The following HS6ST3 variants were observed in gnomAD, a reference collection of about 807,000 sequenced individuals.
The protein encoded by HS6ST3 is heparan-sulfate 6-O-sulfotransferase 3.
HS6ST3 carries 12 observed loss-of-function variants against 36.7 expected under a neutral mutation model. That is an observed-to-expected ratio of 0.33 (90% CI 0.21 to 0.53). The LOEUF (loss-of-function observed/expected upper bound fraction) is 0.53, where lower values mean the gene tolerates loss of function less well. Ranked by LOEUF, HS6ST3 falls within the 20% of genes least tolerant of loss-of-function variation. The pLI is 0.95. For missense variants in HS6ST3, 584 were observed against 640.9 expected (o/e 0.91, Z 0.96); for synonymous variants, 240 against 257.5 (o/e 0.93, Z 0.65).
Position 96,090,553 on chromosome 13 carries a change from G to A in HS6ST3, c.-310G>A, listed in dbSNP as rs1476837599. Among the ~76,000 whole-genome samples the A allele has an allele frequency of 6.8e-6, 1 of 146,288 alleles. No homozygotes were observed. Among genetic ancestry groups the A allele is most frequent in the East Asian group, 2.0e-4 (1 of 5,052 alleles). On this transcript the variant is annotated 5_prime_UTR_variant, in exon 1 of 2. An upstream open reading frame in the 5' UTR loses its in-frame stop. Transcript: ENST00000376705. ...GCCGGCGGGATGCCGCGCGTCGCCT[G>A]AGAGAGCCGCGCCGGGGCGGGAGCA...
intron 1 of HS6ST3, among the ~76,000 whole-genome samples, chr13:96,223,265 T>C (rs2054464471): frequency 6.6e-6 from 1 of 152,222 alleles, no homozygotes; most frequent in African/African-American, 2.4e-5. Flanking sequence ...GAGGCATCTT[T>C]ATTCTGCAAT....
intron 1 of HS6ST3, among the ~76,000 whole-genome samples, chr13:96,450,165 A>G (rs2139485156): frequency 6.6e-6 from 1 of 152,328 alleles, no homozygotes; most frequent in East Asian, 1.9e-4. Context: ...ATTTGGAAAC[A>G]TGCTCTCCAA....
At chr13:96,273,017 C>G (rs2139389343) in intron 1 of HS6ST3, among the ~76,000 whole-genome samples, 4 of 151,960 alleles carry the variant, frequency 2.6e-5, no homozygotes, top group Middle Eastern at 6.8e-3. Flanking sequence ...TTTCAAACAG[C>G]TAAATTTAGA....
chr13:96,349,036 C>G (rs1237257556), intron 1 of HS6ST3, among the ~76,000 whole-genome samples: 2 of 152,142 alleles, frequency 1.3e-5, no homozygotes, highest in African/African-American at 4.8e-5. Flanking sequence ...CTGTTTTTGT[C>G]TAACTAGTGA....
At chr13:96,322,613 T>C (rs1375213153) in intron 1 of HS6ST3, among the ~76,000 whole-genome samples, 7 of 144,662 alleles carry the variant, frequency 4.8e-5, no homozygotes, top group Non-Finnish European at 1.0e-4. Context: ...TAAAATGCAA[T>C]TTTTTTCTCC....
At chr13:96,579,093 C>A (rs185930187) in intron 1 of HS6ST3, among the ~76,000 whole-genome samples, 1 of 152,196 alleles carries the variant, frequency 6.6e-6, no homozygotes, top group Admixed American at 6.5e-5. Flanking sequence ...GAGGTCCTTT[C>A]AACATGAAAG....
At chr13:96,254,434 AAAAAAAAAAAAAAAATATATATAT>A (rs2054623257) in intron 1 of HS6ST3, among the ~76,000 whole-genome samples, 1 of 57,156 alleles carries the variant, frequency 1.7e-5, no homozygotes, top group Non-Finnish European at 3.2e-5. Context: ...AAAAAAAAAA[AAAAAAAAAAAAAAAATATATATAT>A]ATATATATAT....
intron 1 of HS6ST3, among the ~76,000 whole-genome samples, chr13:96,132,319 T>TGAG (rs1239113833): frequency 6.6e-6 from 1 of 152,208 alleles, no homozygotes. Flanking sequence ...ATAGCCCCAG[T>TGAG]AATGGGATTG....
At chr13:96,569,474 G>A (rs74107930) in intron 1 of HS6ST3, among the ~76,000 whole-genome samples, 1,898 of 152,182 alleles carry the variant, frequency 0.012, 43 homozygotes, top group African/African-American at 0.043. Context: ...CTCAGCCCAT[G>A]CATTCTGTCC....
At chr13:96,220,444 G>A (rs1360343356) in intron 1 of HS6ST3, among the ~76,000 whole-genome samples, 1 of 152,112 alleles carries the variant, frequency 6.6e-6, no homozygotes, top group Non-Finnish European at 1.5e-5. Context: ...TTATCTCACA[G>A]TCATCCGAAG....
intron 1 of HS6ST3, among the ~76,000 whole-genome samples, chr13:96,265,498 C>G (rs2054687674): frequency 6.6e-6 from 1 of 152,122 alleles, no homozygotes; most frequent in Non-Finnish European, 1.5e-5. Context: ...ACTGTTGACT[C>G]TGATTCATTT....
chr13:96,347,809 C>T (rs971967090), intron 1 of HS6ST3, among the ~76,000 whole-genome samples: 20 of 152,194 alleles, frequency 1.3e-4, no homozygotes, highest in African/African-American at 4.6e-4. Context: ...ACTTATCTGA[C>T]TTCCCCTCTT....
chr13:96,545,174 C>G (rs1456715029), intron 1 of HS6ST3, among the ~76,000 whole-genome samples: 1 of 152,102 alleles, frequency 6.6e-6, no homozygotes, highest in Non-Finnish European at 1.5e-5. Context: ...GACTAAAATT[C>G]ATTTATCTTT....
intron 1 of HS6ST3, among the ~76,000 whole-genome samples, chr13:96,634,115 G>T (rs967524794): frequency 2.0e-5 from 3 of 152,158 alleles, no homozygotes; most frequent in African/African-American, 4.8e-5. Context: ...AGCCATGCTG[G>T]CTCCCTGAGC....
At chr13:96,284,449 C>T (rs2054790616) in intron 1 of HS6ST3, among the ~76,000 whole-genome samples, 1 of 152,176 alleles carries the variant, frequency 6.6e-6, no homozygotes, top group Non-Finnish European at 1.5e-5. Context: ...GGGCAGGAAG[C>T]ATCCAGCATG....
At chr13:96,217,409 C>T (rs1424566429) in intron 1 of HS6ST3, among the ~76,000 whole-genome samples, 1 of 152,182 alleles carries the variant, frequency 6.6e-6, no homozygotes, top group African/African-American at 2.4e-5. Flanking sequence ...TCTGGTTCCC[C>T]TCCTTCAGAA....
chr13:96,595,515 T>C (rs1566406813), intron 1 of HS6ST3, among the ~76,000 whole-genome samples: 1 of 152,070 alleles, frequency 6.6e-6, no homozygotes, highest in East Asian at 1.9e-4. Context: ...GAATATGTCT[T>C]AGGGTAGTCT....
At chr13:96,459,796 C>A (rs975411559) in intron 1 of HS6ST3, among the ~76,000 whole-genome samples, 1 of 152,060 alleles carries the variant, frequency 6.6e-6, no homozygotes, top group African/African-American at 2.4e-5. Context: ...TGCTTTTGTA[C>A]CTTTAAAATG....
rs183778917 is a variant in HS6ST3 at position 96,730,166 on chromosome 13, G to A, written c.708-102324G>A. ...AGTGTCATTTGGAAATTTCATTCACGCAGGTCTTTTTCCAGATCATTAATA... is the reference window on the plus strand; with the variant it reads ...AGTGTCATTTGGAAATTTCATTCACACAGGTCTTTTTCCAGATCATTAATA... On this transcript the variant is annotated intron_variant, in intron 1 of 1. Coordinates refer to ENST00000376705, the MANE Select transcript of HS6ST3 (RefSeq NM_153456.4). Among the ~76,000 whole-genome samples the A allele has an allele frequency of 7.1e-3, 1,088 of 152,176 alleles. 16 individuals are homozygous for A. The highest frequency in any genetic ancestry group is 5.2e-3 in the Non-Finnish European group (351 of 68,012).
Sources: gnomAD v4.1 joint callset for allele counts (sites outside exome capture counted in the v4.1 genomes callset) on GRCh38, gnomAD v4.1.1 for gene constraint, MANE v1.5 for transcripts, NCBI Gene and HGNC (gene_info 2026-07-23, HGNC 2026-07-21) for gene names.